RPS6KA6: variants seen among roughly 807,000 people sequenced by gnomAD.
RPS6KA6 encodes the protein ribosomal protein S6 kinase alpha-6.
Under a neutral mutation model 65.4 loss-of-function variants are expected in RPS6KA6, and 27 were observed. The observed-to-expected ratio is 0.41, with a 90% CI of 0.30 to 0.57. RPS6KA6 has a LOEUF of 0.57. Among genes scored for constraint, RPS6KA6 ranks in the 20% least tolerant of loss-of-function variants. The pLI is 0.24. For synonymous variants in RPS6KA6, 190 were observed against 184.2 expected, an observed-to-expected ratio of 1.03 and a Z score of -0.26; for missense variants, 486 against 555.6, an observed-to-expected ratio of 0.87 and a Z score of 1.26.
intron 1 of RPS6KA6, among the ~76,000 whole-genome samples, chrX:84,175,855 T>C (rs1462541362): frequency 4.5e-5 from 5 of 111,497 alleles, no homozygotes; most frequent in African/African-American, 1.6e-4. Context: ...AGACAGAAAT[T>C]GAGAGCAATA....
intron 1 of RPS6KA6, among the ~76,000 whole-genome samples, chrX:84,170,609 G>A (rs750941407): frequency 3.6e-5 from 4 of 110,314 alleles, no homozygotes; most frequent in African/African-American, 9.9e-5. Flanking sequence ...CAGCCTGGGC[G>A]ACAGAGTGAG....
chrX:84,157,051 T>C (rs1261613716), intron 2 of RPS6KA6, among the ~76,000 whole-genome samples: 2 of 112,288 alleles, frequency 1.8e-5, no homozygotes, highest in Non-Finnish European at 3.8e-5. Context: ...CATTATAGCA[T>C]ACTAATTTTA....
intron 1 of RPS6KA6, among the ~76,000 whole-genome samples, chrX:84,173,674 T>G (rs1456389087): frequency 8.9e-6 from 1 of 112,236 alleles, no homozygotes; most frequent in East Asian, 2.8e-4. Flanking sequence ...ATTTATTTTT[T>G]GAGATAGGAT....
At chrX:84,135,385 T>C (rs998538253) in intron 6 of RPS6KA6, among the ~76,000 whole-genome samples, 175 bp from the exon 7 acceptor site, 1 of 111,625 alleles carries the variant, frequency 9.0e-6, no homozygotes, top group Admixed American at 9.6e-5. Flanking sequence ...ATAAGATTTC[T>C]ATATAAATGA....
At chrX:84,097,943 C>A in intron 18 of RPS6KA6, 95 bp from the exon 19 acceptor site, 2 of 595,829 alleles carry the variant, frequency 3.4e-6, no homozygotes, top group South Asian at 7.8e-5. Context: ...CACAAAAGTT[C>A]ATAATATAAA....
chrX:84,081,915 T>C (rs1384146205), intron 20 of RPS6KA6, among the ~76,000 whole-genome samples: 1 of 112,161 alleles, frequency 8.9e-6, no homozygotes, highest in Non-Finnish European at 1.9e-5. Flanking sequence ...CTAAAAACTC[T>C]CAATAAACTA....
rs1357548572 is a variant in RPS6KA6, at chrX:84,064,123, G to A, written c.*154C>T. ...GTATGAATATTGTGGACCTGTGAAT[G>A]GTTTTTTAAATCTCACTTCCCCTAA... On this transcript the variant is annotated 3_prime_UTR_variant, in exon 22 of 22. Transcript: ENST00000262752. The A allele has an allele frequency of 1.4e-5, 8 of 585,075 alleles. No individual in the cohort carries two copies. The highest frequency in any genetic ancestry group is 2.1e-5 in the Non-Finnish European group (8 of 389,270). The allele number at this position is 585,075 out of a possible 1,213,427, so 48.2% of individuals were successfully genotyped here.
chrX:84,116,914 G>A (rs2034578995), intron 11 of RPS6KA6, 146 bp downstream of exon 11: 10 of 392,941 alleles, frequency 2.5e-5, no homozygotes, highest in Non-Finnish European at 4.4e-5. Context: ...ACATAACAGA[G>A]TTTACTTTGT....
intron 1 of RPS6KA6, among the ~76,000 whole-genome samples, chrX:84,187,091 T>G (rs1402526082): frequency 9.0e-6 from 1 of 111,482 alleles, no homozygotes; most frequent in Middle Eastern, 4.3e-3. Context: ...TTATAAGGGC[T>G]GGGGTTTACT....
Position 84,160,819 on chromosome X carries a change from A to T in RPS6KA6, c.141+3509T>A, listed in dbSNP as rs748737084. ...ATTAGTGTACTTTGAAAGAAAGCTA[A>T]GCGTAATACCAATATAAATGCCAAA... On this transcript the variant is annotated intron_variant, in intron 2 of 21. Coordinates refer to ENST00000262752, the MANE Select transcript of RPS6KA6 (RefSeq NM_014496.5). 4.5e-5 allele frequency among the ~76,000 whole-genome samples: 5 copies of T among 111,394 alleles called. No individual in the cohort carries two copies. In the South Asian group the frequency reaches 1.9e-3, roughly 42 times the overall value.
rs1344296351 is a variant in RPS6KA6 at position 84,112,932 on chromosome X, A to C, written c.1008+3297T>G. Among the ~76,000 whole-genome samples the C allele has an allele frequency of 2.7e-5, 3 of 112,065 alleles. No individual in the cohort carries two copies. In the East Asian group the frequency reaches 8.4e-4, roughly 31 times the overall value. On this transcript the variant is annotated intron_variant, in intron 12 of 21. Transcript: ENST00000262752. The stretch of plus-strand genomic sequence containing the variant: ...ACCTCTAGATGGTTTAACCAAGAAG[A>C]AAAGAGAGAAGATTCTAACAAGTAC...
At chrX:84,155,601 TACCCTTGTTCTACTTTACAC>T (rs1011950407) in intron 3 of RPS6KA6, among the ~76,000 whole-genome samples, 1 of 112,111 alleles carries the variant, frequency 8.9e-6, no homozygotes, top group African/African-American at 3.2e-5. Flanking sequence ...ACCCAGTAAC[TACCCTTGTTCTACTTTACAC>T]ACCCTTGTTC....
intron 6 of RPS6KA6, 30 bp from the exon 7 acceptor site, chrX:84,135,240 T>C: frequency 1.0e-6 from 1 of 988,552 alleles, no homozygotes; most frequent in Non-Finnish European, 1.4e-6. Flanking sequence ...TATCATTTGA[T>C]CTTTCTTTCA....
At chrX:84,186,451 A>G (rs778711510) in intron 1 of RPS6KA6, among the ~76,000 whole-genome samples, 2 of 112,101 alleles carry the variant, frequency 1.8e-5, no homozygotes, top group African/African-American at 6.5e-5. Context: ...ACGCCTATTC[A>G]TTTATCTTGT....
intron 12 of RPS6KA6, among the ~76,000 whole-genome samples, chrX:84,111,295 A>C (rs186979681): frequency 1.6e-3 from 174 of 111,531 alleles, no homozygotes; most frequent in African/African-American, 5.6e-3. Context: ...AAATATCCCC[A>C]ATCTTGTTAG....
intron 9 of RPS6KA6, 129 bp downstream of exon 9, chrX:84,119,756 T>C: frequency 2.5e-6 from 1 of 394,296 alleles, no homozygotes; most frequent in Non-Finnish European, 4.1e-6. Context: ...AATCACAAGG[T>C]TTTTGGTGTT....
At chrX:84,172,251 T>C (rs987426312) in intron 1 of RPS6KA6, among the ~76,000 whole-genome samples, 2 of 111,947 alleles carry the variant, frequency 1.8e-5, no homozygotes, top group Non-Finnish European at 3.8e-5. Flanking sequence ...TTTGGGTATA[T>C]ACCCATTAAT....
chrX:84,096,853 T>A (rs947501168), intron 19 of RPS6KA6, among the ~76,000 whole-genome samples: 1 of 111,289 alleles, frequency 9.0e-6, no homozygotes, highest in Non-Finnish European at 1.9e-5. Context: ...ATTATGTAGA[T>A]CAATCATGTA....
chrX:84,093,697 T>A (rs950369658), intron 20 of RPS6KA6, among the ~76,000 whole-genome samples: 5 of 112,389 alleles, frequency 4.4e-5, no homozygotes, highest in African/African-American at 1.6e-4. Flanking sequence ...TAAGTCCCCA[T>A]CTATTTCAGC....
Sources: allele counts gnomAD v4.1 joint callset (sites outside exome capture counted in the v4.1 genomes callset), GRCh38; gene constraint gnomAD v4.1.1; transcripts MANE v1.5; gene names NCBI Gene and HGNC (gene_info 2026-07-23, HGNC 2026-07-21).